The following MDFIC2 variants were observed in gnomAD, a reference collection of about 807,000 sequenced individuals.
The protein encoded by MDFIC2 is MyoD family inhibitor domain containing 2.
At chr3:70,219,343 G>A (rs192248091) in intron 2 of MDFIC2, among the ~76,000 whole-genome samples, 1 of 152,264 alleles carries the variant, frequency 6.6e-6, no homozygotes, top group African/African-American at 2.4e-5. Flanking sequence ...TTTTCTGCAT[G>A]CTCCCGATTC....
In MDFIC2 at chr3:70,285,561, G is replaced by A. The variant is rs532956503; in HGVS notation, c.88+26325C>T. ...ATAGCAGCATGATTTATAGTCCTTTGGGTATATACCCAGTAATGGGATGGC... is the reference window on the plus strand; with the variant it reads ...ATAGCAGCATGATTTATAGTCCTTTAGGTATATACCCAGTAATGGGATGGC... On this transcript the variant is annotated intron_variant, in intron 2 of 3. Coordinates refer to ENST00000567252, the MANE Select transcript of MDFIC2 (RefSeq NM_001364677.1). Among the ~76,000 whole-genome samples the A allele has an allele frequency of 7.8e-4, 118 of 151,828 alleles. 1 individual carries two copies. Among genetic ancestry groups the A allele is most frequent in the African/African-American group, 2.7e-3 (113 of 41,394 alleles).
At chr3:70,290,803 G>T (rs1280592462) in intron 2 of MDFIC2, among the ~76,000 whole-genome samples, 1 of 152,154 alleles carries the variant, frequency 6.6e-6, no homozygotes, top group East Asian at 1.9e-4. Flanking sequence ...GCAGTATTCG[G>T]GTGGGAGTGA....
intron 2 of MDFIC2, among the ~76,000 whole-genome samples, chr3:70,269,646 T>A (rs988674972): frequency 3.3e-5 from 5 of 152,242 alleles, no homozygotes; most frequent in African/African-American, 1.2e-4. Context: ...ATTTAATTTG[T>A]CTAAGGTTTT....
At chr3:70,290,173 T>C (rs574220140) in intron 2 of MDFIC2, among the ~76,000 whole-genome samples, 22 of 152,330 alleles carry the variant, frequency 1.4e-4, no homozygotes, top group African/African-American at 5.1e-4. Flanking sequence ...GTTCTGTTTT[T>C]TCCCCATCTT....
intron 2 of MDFIC2, among the ~76,000 whole-genome samples, chr3:70,231,533 G>A (rs1389442313): frequency 1.3e-5 from 2 of 152,142 alleles, no homozygotes; most frequent in East Asian, 1.9e-4. Context: ...CCAAAATTCT[G>A]GTCTGAATGA....
chr3:70,293,902 A>G (rs1702265270), intron 2 of MDFIC2, among the ~76,000 whole-genome samples: 1 of 152,006 alleles, frequency 6.6e-6, no homozygotes, highest in African/African-American at 2.4e-5. Flanking sequence ...GTTGAAGCCT[A>G]AAGAGACCCT....
chr3:70,298,689 A>G (rs1522342), intron 2 of MDFIC2, among the ~76,000 whole-genome samples: 31,567 of 151,964 alleles, frequency 0.21, 3,473 homozygotes, highest in South Asian at 0.28. Flanking sequence ...AGCTATATTG[A>G]CTTGCCCAAA....
chr3:70,282,449 T>C (rs1702095904), intron 2 of MDFIC2, among the ~76,000 whole-genome samples: 1 of 152,228 alleles, frequency 6.6e-6, no homozygotes. Context: ...AATGGAAATT[T>C]AAAGTCATAT....
chr3:70,271,922 C>G (rs1301263585), intron 2 of MDFIC2: 1 of 152,194 alleles, frequency 6.6e-6, no homozygotes, highest in Non-Finnish European at 1.5e-5. Context: ...TGCCATCATG[C>G]CCAGCTAATT....
chr3:70,280,765 G>A (rs577593288), intron 2 of MDFIC2, among the ~76,000 whole-genome samples: 166 of 152,138 alleles, frequency 1.1e-3, no homozygotes, highest in African/African-American at 3.9e-3. Context: ...TGTAAAACCC[G>A]GCCATAGAGA....
At chr3:70,226,330 G>A (rs773898480) in intron 2 of MDFIC2, among the ~76,000 whole-genome samples, 7 of 152,114 alleles carry the variant, frequency 4.6e-5, no homozygotes, top group Non-Finnish European at 8.8e-5. Context: ...GTGATGAGAC[G>A]TATAACAGAG....
At chr3:70,262,409 A>G (rs1435930796) in intron 2 of MDFIC2, among the ~76,000 whole-genome samples, 1 of 152,216 alleles carries the variant, frequency 6.6e-6, no homozygotes, top group African/African-American at 2.4e-5. Flanking sequence ...AGTGTTCTTT[A>G]AAAGATGCGG....
chr3:70,312,595 G>A lies in MDFIC2; in HGVS notation c.-45C>T, dbSNP rs1702463992. ...GCCCAAGGTGTGGGACTGGGGAGCA[G>A]TGAGCTGCAGCCTCCCTTGTCTCTG... On this transcript the variant is annotated 5_prime_UTR_variant, in exon 1 of 4. Coordinates refer to ENST00000567252, the MANE Select transcript of MDFIC2 (RefSeq NM_001364677.1). The A allele has an allele frequency of 6.6e-6, 1 of 152,268 alleles. No individual in the cohort carries two copies. Among genetic ancestry groups the A allele is most frequent in the South Asian group, 2.1e-4 (1 of 4,830 alleles). 9.4% of individuals were successfully genotyped at this position (152,268 alleles called of 1,614,324 possible). A position where few individuals can be genotyped will look rare whatever the true frequency, so the allele number is the denominator to read the frequency against.
chr3:70,281,274 G>A (rs1289182147), intron 2 of MDFIC2, among the ~76,000 whole-genome samples: 7 of 152,078 alleles, frequency 4.6e-5, no homozygotes, highest in East Asian at 1.9e-4. Flanking sequence ...CCCCAGATTC[G>A]TGTCAATGCC....
At chr3:70,244,823 T>A (rs1246236961) in intron 2 of MDFIC2, among the ~76,000 whole-genome samples, 1 of 152,248 alleles carries the variant, frequency 6.6e-6, no homozygotes, top group African/African-American at 2.4e-5. Context: ...TCCATGCCTC[T>A]CACATTCCTA....
chr3:70,228,883 A>G (rs970863532), intron 2 of MDFIC2, among the ~76,000 whole-genome samples: 6 of 152,190 alleles, frequency 3.9e-5, no homozygotes, highest in Middle Eastern at 6.8e-3. Flanking sequence ...GTGGCAGACT[A>G]TGTAGTACGT....
intron 2 of MDFIC2, among the ~76,000 whole-genome samples, chr3:70,267,238 G>A (rs1701924086): frequency 6.6e-6 from 1 of 151,926 alleles, no homozygotes; most frequent in African/African-American, 2.4e-5. Context: ...TTTACGAAGG[G>A]CAGAATGCAA....
At chr3:70,255,461 G>T (rs1219806249) in intron 2 of MDFIC2, among the ~76,000 whole-genome samples, 1 of 152,012 alleles carries the variant, frequency 6.6e-6, no homozygotes, top group Admixed American at 6.6e-5. Context: ...ACAGAATCTT[G>T]CTCTGTTGCC....
intron 2 of MDFIC2, among the ~76,000 whole-genome samples, chr3:70,216,436 T>C (rs931939678): frequency 3.9e-5 from 6 of 151,908 alleles, no homozygotes; most frequent in African/African-American, 1.5e-4. Context: ...GTACTGCTAG[T>C]GTCATTCCCA....
Sources: allele counts gnomAD v4.1 joint callset (sites outside exome capture counted in the v4.1 genomes callset), GRCh38; gene constraint gnomAD v4.1.1; transcripts MANE v1.5; gene names NCBI Gene and HGNC (gene_info 2026-07-23, HGNC 2026-07-21).